Variants in PDE8A observed in about 807,000 individuals in gnomAD.
The protein encoded by PDE8A is phosphodiesterase 8A.
In PDE8A, 59 loss-of-function variants were observed where a neutral mutation model predicts 105.0. The observed-to-expected ratio is 0.56, with a 90% CI of 0.46 to 0.70. The LOEUF (loss-of-function observed/expected upper bound fraction) is 0.70, where lower values mean the gene tolerates loss of function less well. PDE8A is among the 30% of genes least tolerant of loss of function. PDE8A has a pLI of 0.00. For synonymous variants in PDE8A, 355 were observed against 371.9 expected, an observed-to-expected ratio of 0.95 and a Z score of 0.52; for missense variants, 1,014 against 1,045.9, an observed-to-expected ratio of 0.97 and a Z score of 0.42.
chr15:85,116,328 A>G, intron 16 of PDE8A: 2 of 546,542 alleles, frequency 3.7e-6, no homozygotes, highest in Admixed American at 6.3e-5. Flanking sequence ...CATGGAAAGC[A>G]TGCAACTGAG....
intron 1 of PDE8A, among the ~76,000 whole-genome samples, chr15:85,007,979 T>C (rs1233815388): frequency 6.6e-6 from 1 of 152,074 alleles, no homozygotes; most frequent in Admixed American, 6.6e-5. Flanking sequence ...TGTGTTGCCA[T>C]ATGAACCTTG....
chr15:85,037,844 T>G (rs1382926667), intron 1 of PDE8A, among the ~76,000 whole-genome samples: 2 of 152,232 alleles, frequency 1.3e-5, no homozygotes, highest in Non-Finnish European at 2.9e-5. Context: ...ATATTCTAAT[T>G]TAAGGCTGAA....
chr15:85,009,842 T>C (rs1036072586), intron 1 of PDE8A, among the ~76,000 whole-genome samples: 3 of 152,208 alleles, frequency 2.0e-5, no homozygotes, highest in African/African-American at 7.2e-5. Flanking sequence ...GAATGTCCAT[T>C]GTAGTATTAG....
intron 1 of PDE8A, among the ~76,000 whole-genome samples, chr15:85,012,543 TGTTGTGG>T (rs1284980530): frequency 4.3e-4 from 42 of 97,898 alleles, no homozygotes; most frequent in African/African-American, 1.5e-3. Context: ...CTCTGGGGGC[TGTTGTGG>T]GTTGGGGGGA....
In PDE8A at chr15:85,067,148, CATT is replaced by C; in HGVS notation, c.381_383del (p.Ile130del). On this transcript the variant is annotated inframe_deletion, in exon 3 of 22. Coordinates refer to ENST00000394553, the MANE Select transcript of PDE8A (RefSeq NM_002605.3). Reference sequence around the variant, plus strand: ...CCTGTTTCCTGGACAAACATCATGACATTATCATCATAGACCACAGAAATCCTC... The same window carrying C: ...CCTGTTTCCTGGACAAACATCATGACATCATCATAGACCACAGAAATCCTC... 1 of 1,614,006 alleles carries C rather than the reference CATT, an allele frequency of 6.2e-7. No individual in the cohort carries two copies. Among genetic ancestry groups the C allele is most frequent in the Non-Finnish European group, 8.5e-7 (1 of 1,179,910 alleles).
intron 20 of PDE8A, among the ~76,000 whole-genome samples, chr15:85,130,449 A>T (rs2082315103): frequency 6.6e-6 from 1 of 152,180 alleles, no homozygotes; most frequent in South Asian, 2.1e-4. Context: ...GTATGACCTT[A>T]CCTTTTAAAA....
At chr15:85,044,913 ACT>A (rs1449506399) in intron 1 of PDE8A, among the ~76,000 whole-genome samples, 1 of 152,024 alleles carries the variant, frequency 6.6e-6, no homozygotes, top group African/African-American at 2.4e-5. Flanking sequence ...GCCTTAGAAA[ACT>A]CTGCATCGTA....
chr15:85,007,230 G>A (rs534599632), intron 1 of PDE8A, among the ~76,000 whole-genome samples: 39 of 152,086 alleles, frequency 2.6e-4, no homozygotes, highest in African/African-American at 9.2e-4. Context: ...CAGTTAAAGG[G>A]GCCAAATGAT....
At chr15:85,011,225 A>G (rs1022664080) in intron 1 of PDE8A, among the ~76,000 whole-genome samples, 3 of 152,226 alleles carry the variant, frequency 2.0e-5, no homozygotes, top group African/African-American at 4.8e-5. Context: ...GCCAAAAGCA[A>G]TGTTCAGATT....
chr15:85,029,780 C>G (rs902671959), intron 1 of PDE8A, among the ~76,000 whole-genome samples: 1 of 152,170 alleles, frequency 6.6e-6, no homozygotes, highest in Non-Finnish European at 1.5e-5. Context: ...GACCCTTCAG[C>G]TGCAACTAAC....
intron 1 of PDE8A, among the ~76,000 whole-genome samples, chr15:85,057,516 G>T (rs1442573336): frequency 3.3e-5 from 5 of 152,136 alleles, no homozygotes; most frequent in Admixed American, 2.6e-4. Flanking sequence ...CCCTGCTCTG[G>T]CTCATGCTCC....
chr15:84,996,823 C>CT (rs2079985318), intron 1 of PDE8A, among the ~76,000 whole-genome samples: 6 of 53,830 alleles, frequency 1.1e-4, no homozygotes, highest in Admixed American at 3.3e-4. Context: ...AAGACTCTCT[C>CT]AAAAAAAAAA....
At chr15:85,005,096 G>A (rs368045026) in intron 1 of PDE8A, among the ~76,000 whole-genome samples, 1 of 151,904 alleles carries the variant, frequency 6.6e-6, no homozygotes, top group Admixed American at 6.6e-5. Context: ...TTTTATAGCT[G>A]GGTATTATCT....
chr15:85,043,723 G>A (rs2080846863), intron 1 of PDE8A, among the ~76,000 whole-genome samples: 3 of 151,416 alleles, frequency 2.0e-5, no homozygotes, highest in African/African-American at 7.3e-5. Context: ...TTTGAGGCAG[G>A]GTCTTACTCT....
chr15:85,118,820 C>T (rs150654611), intron 17 of PDE8A, among the ~76,000 whole-genome samples: 71 of 152,336 alleles, frequency 4.7e-4, no homozygotes, highest in Admixed American at 2.6e-4. Context: ...CTCTGTATCA[C>T]GGGACTAGCA....
intron 1 of PDE8A, among the ~76,000 whole-genome samples, chr15:85,052,625 T>A (rs2080994958): frequency 6.6e-6 from 1 of 152,242 alleles, no homozygotes; most frequent in Non-Finnish European, 1.5e-5. Flanking sequence ...TGTCTTCTTT[T>A]GAGAAGTGTC....
At chr15:85,065,727 C>G (rs1446827610) in intron 2 of PDE8A, among the ~76,000 whole-genome samples, 1 of 152,222 alleles carries the variant, frequency 6.6e-6, no homozygotes, top group Non-Finnish European at 1.5e-5. Flanking sequence ...TCCTCCTTAC[C>G]ACTGTTGCCC....
intron 17 of PDE8A, among the ~76,000 whole-genome samples, chr15:85,119,859 G>A (rs968688154): frequency 6.6e-6 from 1 of 151,656 alleles, no homozygotes; most frequent in African/African-American, 2.4e-5. Context: ...ATAGAATGAA[G>A]CCAATTATAT....
intron 2 of PDE8A, among the ~76,000 whole-genome samples, chr15:85,066,713 A>G (rs1466473526): frequency 2.6e-5 from 4 of 151,594 alleles, no homozygotes; most frequent in African/African-American, 9.7e-5. Context: ...CTGAGGTGGG[A>G]GGATTACTTG....
Sources: gnomAD v4.1 joint callset for allele counts (sites outside exome capture counted in the v4.1 genomes callset) on GRCh38, gnomAD v4.1.1 for gene constraint, MANE v1.5 for transcripts, NCBI Gene and HGNC (gene_info 2026-07-23, HGNC 2026-07-21) for gene names.